Variants in CERS6 observed in about 807,000 individuals in gnomAD.
CERS6 encodes the protein ceramide synthase 6.
CERS6 carries 26 observed loss-of-function variants against 56.8 expected under a neutral mutation model. The ratio of observed to expected loss-of-function variants is 0.46; its 90% CI spans 0.34 to 0.63. The LOEUF is 0.63. Among genes scored for constraint, CERS6 ranks in the 30% least tolerant of loss-of-function variants. CERS6 has a pLI of 0.01. For synonymous variants in CERS6, 164 were observed against 173.3 expected, an observed-to-expected ratio of 0.95 and a Z score of 0.42; for missense variants, 415 against 467.5, an observed-to-expected ratio of 0.89 and a Z score of 1.04.
chr2:168,556,091 C>G, intron 2 of CERS6, among the ~76,000 whole-genome samples: 1 of 152,106 alleles, frequency 6.6e-6, no homozygotes, highest in Non-Finnish European at 1.5e-5. Flanking sequence ...CTAACATACT[C>G]TTAACAGGAG....
Position 168,547,629 on chromosome 2 carries a change from C to T in CERS6, c.204C>T (p.Asn68=), listed in dbSNP as rs1490253825. The stretch of plus-strand genomic sequence containing the variant: ...CCAAACCGTGCGCCATAGCCCTCAA[C>T]ATTCAGGCCAATGGACCACAAATTG... ...FVAKPCAIAL[N]IQANGPQIAP... The change falls in exon 2 of 10, where the codon AAC becomes AAT. Residue 68 remains asparagine (N), a synonymous_variant. Coordinates refer to ENST00000305747, the MANE Select transcript of CERS6 (RefSeq NM_203463.3). The T allele has an allele frequency of 1.9e-6, 3 of 1,613,856 alleles. No homozygotes were observed. The highest frequency in any genetic ancestry group is 1.7e-6 in the Non-Finnish European group (2 of 1,179,754).
intron 4 of CERS6, among the ~76,000 whole-genome samples, chr2:168,643,779 T>G (rs1261486892): frequency 6.6e-6 from 1 of 152,154 alleles, no homozygotes; most frequent in East Asian, 1.9e-4. Context: ...CAGTTCGCCT[T>G]CTCTTTTGTA....
chr2:168,636,201 A>G (rs1441603620), intron 4 of CERS6, among the ~76,000 whole-genome samples: 1 of 152,206 alleles, frequency 6.6e-6, no homozygotes, highest in African/African-American at 2.4e-5. Context: ...TTCCCATTTC[A>G]GAAAACAAAA....
At chr2:168,618,825 A>C (rs568694526) in intron 3 of CERS6, among the ~76,000 whole-genome samples, 1 of 152,224 alleles carries the variant, frequency 6.6e-6, no homozygotes, top group African/African-American at 2.4e-5. Flanking sequence ...CTACAAATTC[A>C]GTGCAATTTC....
chr2:168,635,564 T>C (rs1172730800), intron 4 of CERS6, among the ~76,000 whole-genome samples: 1 of 152,216 alleles, frequency 6.6e-6, no homozygotes, highest in Middle Eastern at 3.2e-3. Context: ...GCACAGTCTC[T>C]GCTCTGAGAC....
At chr2:168,522,348 A>G (rs1366920373) in intron 1 of CERS6, among the ~76,000 whole-genome samples, 1 of 152,176 alleles carries the variant, frequency 6.6e-6, no homozygotes, top group African/African-American at 2.4e-5. Flanking sequence ...GCTATTTTGT[A>G]ATTTATAAAC....
At chr2:168,491,229 G>A (rs1694366439) in intron 1 of CERS6, among the ~76,000 whole-genome samples, 4 of 152,188 alleles carry the variant, frequency 2.6e-5, no homozygotes, top group Non-Finnish European at 5.9e-5. Context: ...AAGAATATGA[G>A]GAAGGAAAGA....
At chr2:168,638,210 T>C (rs1684905898) in intron 4 of CERS6, among the ~76,000 whole-genome samples, 1 of 152,188 alleles carries the variant, frequency 6.6e-6, no homozygotes, top group African/African-American at 2.4e-5. Context: ...AGAAATCATC[T>C]CCTAATTTTC....
intron 1 of CERS6, among the ~76,000 whole-genome samples, chr2:168,490,959 GT>G (rs1694360336): frequency 6.6e-6 from 1 of 152,176 alleles, no homozygotes; most frequent in Non-Finnish European, 1.5e-5. Context: ...TCTTTTCACT[GT>G]TTTGTGAGAT....
At chr2:168,639,493 G>A (rs775429604) in intron 4 of CERS6, among the ~76,000 whole-genome samples, 5 of 152,154 alleles carry the variant, frequency 3.3e-5, no homozygotes, top group East Asian at 1.9e-4. Context: ...AGCTAATGGC[G>A]TTCACATACC....
chr2:168,531,458 G>A (rs1361722959), intron 1 of CERS6, among the ~76,000 whole-genome samples: 1 of 152,160 alleles, frequency 6.6e-6, no homozygotes, highest in African/African-American at 2.4e-5. Flanking sequence ...GACATAGTAA[G>A]CTGGAAGTTT....
chr2:168,626,396 T>G (rs761185905), intron 3 of CERS6, among the ~76,000 whole-genome samples: 6 of 152,136 alleles, frequency 3.9e-5, no homozygotes, highest in Non-Finnish European at 8.8e-5. Flanking sequence ...ATCCCTTGCC[T>G]TTTGGGTGAC....
In CERS6 at chr2:168,769,649, C is replaced by A; in HGVS notation, c.1142C>A (p.Ser381Tyr). ...TNGYLLTGSC[S>Y]MDD ...GGGTATCTCCTGACTGGCTCCTGCT[C>A]CATGGATGATTAATTACTCAAAACT... The change falls in exon 10 of 10, where the codon TCC becomes TAC. Residue 381 changes from serine (S) to tyrosine (Y), a missense_variant. Transcript: ENST00000305747. 6.2e-7 allele frequency: 1 copy of A among 1,610,248 alleles called. No individual in the cohort carries two copies. The highest frequency in any genetic ancestry group is 8.5e-7 in the Non-Finnish European group (1 of 1,178,836).
intron 8 of CERS6, among the ~76,000 whole-genome samples, chr2:168,744,733 A>T (rs950864023): frequency 6.6e-6 from 1 of 152,234 alleles, no homozygotes; most frequent in Non-Finnish European, 1.5e-5. Flanking sequence ...AATGACCCAT[A>T]ATCATCATGT....
At chr2:168,690,498 T>C (rs1200073441) in intron 4 of CERS6, among the ~76,000 whole-genome samples, 1 of 152,164 alleles carries the variant, frequency 6.6e-6, no homozygotes, top group Admixed American at 6.5e-5. Flanking sequence ...AAGACCTGGA[T>C]CACAGGTCAG....
chr2:168,630,610 A>G lies in CERS6; in HGVS notation c.408-375A>G, dbSNP rs147566333. On this transcript the variant is annotated intron_variant, in intron 3 of 9. Transcript: ENST00000305747. Reference sequence around the variant, plus strand: ...TTAAAACAAATATGAACTTCAGTTAACTCCAGTTGTTAGTTTTGAATTATT... The same window carrying G: ...TTAAAACAAATATGAACTTCAGTTAGCTCCAGTTGTTAGTTTTGAATTATT... Among the ~76,000 whole-genome samples the G allele has an allele frequency of 2.0e-3, 312 of 152,254 alleles. 2 individuals are homozygous for G. Among genetic ancestry groups the G allele is most frequent in the African/African-American group, 6.7e-3 (279 of 41,554 alleles).
intron 1 of CERS6, among the ~76,000 whole-genome samples, chr2:168,535,036 T>A (rs902210716): frequency 2.6e-5 from 4 of 152,186 alleles, no homozygotes; most frequent in Admixed American, 6.5e-5. Context: ...CGGGGACACG[T>A]CTTGGGACCA....
At chr2:168,564,874 G>T (rs778918448) in intron 3 of CERS6, among the ~76,000 whole-genome samples, 5 of 152,152 alleles carry the variant, frequency 3.3e-5, no homozygotes, top group Non-Finnish European at 7.3e-5. Flanking sequence ...TTCCAATTCT[G>T]TGTTGCTTGA....
intron 6 of CERS6, 100 bp from the exon 7 acceptor site, chr2:168,714,901 T>G: frequency 9.1e-7 from 1 of 1,097,726 alleles, no homozygotes; most frequent in Non-Finnish European, 1.3e-6. Context: ...CAGTGCTAGG[T>G]TTGTGGAGGT....
Sources: allele counts gnomAD v4.1 joint callset (sites outside exome capture counted in the v4.1 genomes callset), GRCh38; gene constraint gnomAD v4.1.1; transcripts MANE v1.5; gene names NCBI Gene and HGNC (gene_info 2026-07-23, HGNC 2026-07-21).